KCNMA1: variants seen among roughly 807,000 people sequenced by gnomAD.
The protein encoded by KCNMA1 is potassium calcium-activated channel subfamily M alpha 1.
Under a neutral mutation model 140.0 loss-of-function variants are expected in KCNMA1, and 29 were observed. The ratio of observed to expected loss-of-function variants is 0.21; its 90% CI spans 0.15 to 0.28. The LOEUF (loss-of-function observed/expected upper bound fraction) is 0.28. Among genes scored for constraint, KCNMA1 ranks in the 10% least tolerant of loss-of-function variants. KCNMA1 has a pLI of 1.00. For missense variants in KCNMA1, 880 were observed against 1,602.2 expected, an observed-to-expected ratio of 0.55 and a Z score of 7.70; for synonymous variants, 612 against 611.9, an observed-to-expected ratio of 1.00 and a Z score of 0.00.
chr10:77,344,683 T>C (rs1038478209), intron 2 of KCNMA1, among the ~76,000 whole-genome samples: 1 of 152,110 alleles, frequency 6.6e-6, no homozygotes, highest in African/African-American at 2.4e-5. Context: ...TCACTAGTCC[T>C]CTCTATCATT....
At chr10:77,437,446 T>A (rs1404509880) in intron 1 of KCNMA1, among the ~76,000 whole-genome samples, 1 of 152,222 alleles carries the variant, frequency 6.6e-6, no homozygotes, top group Non-Finnish European at 1.5e-5. Context: ...GGTGGGATTA[T>A]GACTGCTTTT....
intron 21 of KCNMA1, among the ~76,000 whole-genome samples, chr10:76,952,734 T>C (rs1480621612): frequency 6.6e-6 from 1 of 152,118 alleles, no homozygotes; most frequent in Admixed American, 6.5e-5. Context: ...CACATACACA[T>C]AGATAAAGCA....
At chr10:77,468,223 G>A (rs7923681) in intron 1 of KCNMA1, among the ~76,000 whole-genome samples, 6,132 of 152,194 alleles carry the variant, frequency 0.04, 395 homozygotes, top group African/African-American at 0.13. Context: ...GGCCGGGCTG[G>A]TCTCGAACTG....
intron 2 of KCNMA1, among the ~76,000 whole-genome samples, chr10:77,277,177 A>G (rs966849831): frequency 2.6e-5 from 4 of 151,956 alleles, no homozygotes; most frequent in Non-Finnish European, 5.9e-5. Context: ...TCAAGGGAGG[A>G]GAAGAAGGGG....
chr10:77,132,174 C>A (rs1471668978), intron 5 of KCNMA1, among the ~76,000 whole-genome samples: 1 of 151,946 alleles, frequency 6.6e-6, no homozygotes, highest in East Asian at 1.9e-4. Flanking sequence ...ACTATCTCAA[C>A]TCAAAAAATC....
At chr10:77,467,686 CAG>C (rs2098059253) in intron 1 of KCNMA1, among the ~76,000 whole-genome samples, 1 of 152,214 alleles carries the variant, frequency 6.6e-6, no homozygotes, top group Non-Finnish European at 1.5e-5. Context: ...GGACAGTGGT[CAG>C]AGAGTCCAGA....
At chr10:77,159,932 T>C (rs1358294087) in intron 5 of KCNMA1, among the ~76,000 whole-genome samples, 1 of 152,204 alleles carries the variant, frequency 6.6e-6, no homozygotes, top group Non-Finnish European at 1.5e-5. Context: ...GAGGGTTCCT[T>C]TTAGTAACTT....
At chr10:77,014,340 C>A (rs557466220) in intron 17 of KCNMA1, among the ~76,000 whole-genome samples, 2 of 151,496 alleles carry the variant, frequency 1.3e-5, no homozygotes, top group Non-Finnish European at 2.9e-5. Context: ...GCAGGAGAAT[C>A]GCTTGAATCC....
chr10:77,551,692 T>C (rs1228287617), intron 1 of KCNMA1, among the ~76,000 whole-genome samples: 1 of 152,184 alleles, frequency 6.6e-6, no homozygotes, highest in Non-Finnish European at 1.5e-5. Context: ...AGGATTCGAC[T>C]GATGCTGCAG....
At chr10:77,243,919 G>A (rs2057949810) in intron 3 of KCNMA1, among the ~76,000 whole-genome samples, 1 of 152,160 alleles carries the variant, frequency 6.6e-6, no homozygotes, top group Non-Finnish European at 1.5e-5. Flanking sequence ...TCACCAGTGA[G>A]GATGAAATAA....
At chr10:77,469,071 C>G (rs934325101) in intron 1 of KCNMA1, among the ~76,000 whole-genome samples, 2 of 152,178 alleles carry the variant, frequency 1.3e-5, no homozygotes, top group Non-Finnish European at 2.9e-5. Context: ...GTTTGAGTCC[C>G]AAATCTGCAC....
At chr10:76,893,028 G>T (rs2040869937) in intron 25 of KCNMA1, among the ~76,000 whole-genome samples, 1 of 152,176 alleles carries the variant, frequency 6.6e-6, no homozygotes, top group South Asian at 2.1e-4. Context: ...CACAGAAGCA[G>T]AAAAAGGATA....
chr10:77,087,322 GAGAT>G (rs1006273737), intron 10 of KCNMA1, among the ~76,000 whole-genome samples: 6 of 152,068 alleles, frequency 3.9e-5, no homozygotes, highest in Admixed American at 6.6e-5. Context: ...AATCTCTCTA[GAGAT>G]AGATAGATAG....
At chr10:77,163,460 C>T (rs2154082543) in intron 5 of KCNMA1, among the ~76,000 whole-genome samples, 1 of 152,272 alleles carries the variant, frequency 6.6e-6, no homozygotes, top group African/African-American at 2.4e-5. Context: ...AACTTGGGAA[C>T]CCTTATCATT....
Position 77,019,580 on chromosome 10 carries a change from G to A in KCNMA1, c.1929-481C>T, listed in dbSNP as rs115785126. On this transcript the variant is annotated intron_variant, in intron 16 of 27. Transcript: ENST00000286628. ...TCATGTACACACACCACATATTACC[G>A]CAGGGAATGGTACAAGACACCCGTA... 785 of 165,860 alleles carry A rather than the reference G, an allele frequency of 4.7e-3. 9 individuals are homozygous for A. The highest frequency in any genetic ancestry group is 0.018 in the African/African-American group (744 of 41,698). The allele number at this position is 165,860 out of a possible 1,614,324, so 10.3% of individuals were successfully genotyped here.
chr10:77,573,701 T>C (rs187563350), intron 1 of KCNMA1, among the ~76,000 whole-genome samples: 14 of 133,144 alleles, frequency 1.1e-4, no homozygotes, highest in African/African-American at 3.2e-4. Context: ...TAGAATAGAA[T>C]AGAATAGAAT....
intron 1 of KCNMA1, among the ~76,000 whole-genome samples, chr10:77,487,072 C>T (rs1003850304): frequency 6.6e-6 from 1 of 152,112 alleles, no homozygotes; most frequent in Non-Finnish European, 1.5e-5. Flanking sequence ...ACTCAGTCAG[C>T]GATGTTGATG....
intron 2 of KCNMA1, among the ~76,000 whole-genome samples, chr10:77,261,809 G>C (rs935357565): frequency 3.9e-5 from 6 of 152,188 alleles, no homozygotes; most frequent in Non-Finnish European, 8.8e-5. Context: ...GACCTTTCCT[G>C]TCCAAGTATT....
At chr10:77,244,666 A>T (rs908362294) in intron 3 of KCNMA1, among the ~76,000 whole-genome samples, 1 of 152,154 alleles carries the variant, frequency 6.6e-6, no homozygotes, top group Non-Finnish European at 1.5e-5. Context: ...CATACTCTCC[A>T]CCTGTCTTCT....
Sources: gnomAD v4.1 joint callset for allele counts (sites outside exome capture counted in the v4.1 genomes callset) on GRCh38, gnomAD v4.1.1 for gene constraint, MANE v1.5 for transcripts, NCBI Gene and HGNC (gene_info 2026-07-23, HGNC 2026-07-21) for gene names.